NF2: variants seen among roughly 807,000 people sequenced by gnomAD.
NF2 encodes the protein merlin.
A neutral mutation model predicts 83.7 loss-of-function variants in NF2; 8 were observed. The ratio of observed to expected loss-of-function variants is 0.10; its 90% CI spans 0.06 to 0.17. The LOEUF is 0.17. NF2 is among the 10% of genes least tolerant of loss of function. NF2 has a pLI of 1.00. For synonymous variants in NF2, 266 were observed against 269.6 expected, an observed-to-expected ratio of 0.99 and a Z score of 0.13; for missense variants, 533 against 744.4, an observed-to-expected ratio of 0.72 and a Z score of 3.31.
intron 15 of NF2, 115 bp downstream of exon 15, chr22:29,681,716 T>A: frequency 2.3e-6 from 3 of 1,304,834 alleles, no homozygotes; most frequent in Non-Finnish European, 3.3e-6. Context: ...ATCTTTTGTA[T>A]GTACTTAGTT....
chr22:29,664,250 G>A (rs933799939), intron 8 of NF2, among the ~76,000 whole-genome samples: 1 of 151,976 alleles, frequency 6.6e-6, no homozygotes, highest in Non-Finnish European at 1.5e-5. Context: ...TGGGATTACG[G>A]GTGTGAGCCA....
chr22:29,642,346 C>T (rs1270426657), intron 4 of NF2, 61 bp downstream of exon 4: 3 of 1,323,340 alleles, frequency 2.3e-6, no homozygotes, highest in Non-Finnish European at 3.3e-6. Flanking sequence ...TGGGATCACT[C>T]CTATCTTCTC....
rs1194749616 is a variant in NF2 at position 29,695,534 on chromosome 22, C to T, written c.*732C>T. 4 of 236,694 alleles carry T rather than the reference C, an allele frequency of 1.7e-5. No homozygotes were observed. Among genetic ancestry groups the T allele is most frequent in the South Asian group, 1.7e-4 (1 of 5,766 alleles). 14.7% of individuals were successfully genotyped at this position (236,694 alleles called of 1,614,324 possible). A position where few individuals can be genotyped will look rare whatever the true frequency, so the allele number is the denominator to read the frequency against. ...GTACAGGGCACTCGCTGTCCCCCTC[C>T]GGCCACCCTAGACCAGGGTCCGAGA... On this transcript the variant is annotated 3_prime_UTR_variant, in exon 16 of 16. Coordinates refer to ENST00000338641, the MANE Select transcript of NF2 (RefSeq NM_000268.4). This position sits in a 1 kb window ranked among gnomAD's most constrained non-coding sequence, Gnocchi z 5.4.
chr22:29,639,029 A>C (rs1265872112), intron 2 of NF2, 61 bp from the exon 3 acceptor site: 27 of 1,612,720 alleles, frequency 1.7e-5, no homozygotes, highest in Admixed American at 6.7e-5. Context: ...GGCTTCTTTG[A>C]GGGTAGCACA....
intron 14 of NF2, among the ~76,000 whole-genome samples, chr22:29,680,854 A>T (rs1310523490): frequency 4.5e-4 from 20 of 44,588 alleles, no homozygotes; most frequent in African/African-American, 1.4e-3. Context: ...AAGATCCTAT[A>T]AAAAAAAAAA....
At position 29,671,922 on chromosome 22, in the gene NF2, G is replaced by A. The variant is rs2147073615; in HGVS notation, c.1096G>A (p.Glu366Lys). The change falls in exon 11 of 16, where the codon GAA becomes AAA. Residue 366 changes from glutamate (E) to lysine (K), a missense_variant. Coordinates refer to ENST00000338641, the MANE Select transcript of NF2 (RefSeq NM_000268.4). ...LERRLLQMKE[E>K]ATMANEALMR... The stretch of plus-strand genomic sequence containing the variant: ...GAGGAGGCTGCTGCAGATGAAAGAA[G>A]AAGCAACAATGGCCAACGAAGCACT... 1 of 1,614,208 alleles carries A rather than the reference G, an allele frequency of 6.2e-7. No individual in the cohort carries two copies. Among genetic ancestry groups the A allele is most frequent in the Non-Finnish European group, 8.5e-7 (1 of 1,180,038 alleles).
intron 15 of NF2, among the ~76,000 whole-genome samples, chr22:29,693,513 C>T (rs1171593923): frequency 1.3e-5 from 2 of 152,044 alleles, no homozygotes; most frequent in South Asian, 2.1e-4. Flanking sequence ...ATGGAGCCGC[C>T]GATAGTACCG....
At chr22:29,615,381 T>C (rs2065056867) in intron 1 of NF2, among the ~76,000 whole-genome samples, 1 of 152,014 alleles carries the variant, frequency 6.6e-6, no homozygotes, top group African/African-American at 2.4e-5. Flanking sequence ...GAGACCAGCC[T>C]GGGCAACAGA....
chr22:29,658,228 C>T lies in NF2; in HGVS notation c.639C>T (p.Asp213=), dbSNP rs2146990077. The change falls in exon 7 of 16, where the codon GAC becomes GAT. Residue 213 remains aspartate, a synonymous_variant. Transcript: ENST00000338641. ...AEMEYLKIAQ[D]LEMYGVNYFA... is the part of the protein sequence containing the mutation. Reference sequence around the variant, plus strand: ...TGGAATATCTGAAGATAGCTCAGGACCTGGAGATGTACGGTGTGAACTACT... The same window carrying T: ...TGGAATATCTGAAGATAGCTCAGGATCTGGAGATGTACGGTGTGAACTACT... 1 of 1,614,186 alleles carries T rather than the reference C, an allele frequency of 6.2e-7. No homozygotes were observed. Among genetic ancestry groups the T allele is most frequent in the South Asian group, 1.1e-5 (1 of 91,080 alleles).
At chr22:29,615,253 C>G (rs898182874) in intron 1 of NF2, among the ~76,000 whole-genome samples, 1 of 152,064 alleles carries the variant, frequency 6.6e-6, no homozygotes, top group South Asian at 2.1e-4. Context: ...CTGGTAAGAC[C>G]GTAAAATGGT....
intron 10 of NF2, among the ~76,000 whole-genome samples, chr22:29,671,540 A>G (rs1226355466): frequency 4.6e-5 from 7 of 152,142 alleles, no homozygotes; most frequent in Non-Finnish European, 1.0e-4. Context: ...TCCACCAAAA[A>G]AAAAGAATGC....
intron 15 of NF2, among the ~76,000 whole-genome samples, chr22:29,685,861 C>T (rs2067257070): frequency 6.6e-6 from 1 of 152,150 alleles, no homozygotes; most frequent in African/African-American, 2.4e-5. Context: ...ACCGCATTCC[C>T]TGAGGAATGC....
intron 1 of NF2, among the ~76,000 whole-genome samples, chr22:29,606,347 G>T (rs1383367903): frequency 6.6e-6 from 1 of 152,204 alleles, no homozygotes; most frequent in Non-Finnish European, 1.5e-5. Context: ...TGCCCCAATT[G>T]CTCATCCCCC....
intron 8 of NF2, among the ~76,000 whole-genome samples, chr22:29,664,523 G>T (rs1281169772): frequency 6.6e-6 from 1 of 152,036 alleles, no homozygotes; most frequent in Non-Finnish European, 1.5e-5. Flanking sequence ...ACTCTCTCTT[G>T]CTTATGGTGG....
At position 29,695,375 on chromosome 22, in the gene NF2, C is replaced by A. The variant is rs543669369; in HGVS notation, c.*573C>A. The A allele has an allele frequency of 1.5e-5, 4 of 258,836 alleles. No individual in the cohort carries two copies. Among genetic ancestry groups the A allele is most frequent in the African/African-American group, 8.7e-5 (4 of 46,240 alleles). 16.0% of individuals were successfully genotyped at this position (258,836 alleles called of 1,614,324 possible). On this transcript the variant is annotated 3_prime_UTR_variant, in exon 16 of 16. Coordinates refer to ENST00000338641, the MANE Select transcript of NF2 (RefSeq NM_000268.4). This position sits in a 1 kb window ranked among gnomAD's most constrained non-coding sequence, Gnocchi z 5.4. Reference sequence around the variant, plus strand: ...AGTGCTGGGTCCCCGCCAGGCACCCCGAGGCGGCGCTCTGGCTGGCAGCTG... The same window carrying A: ...AGTGCTGGGTCCCCGCCAGGCACCCAGAGGCGGCGCTCTGGCTGGCAGCTG...
chr22:29,641,182 C>T (rs1283028943), intron 3 of NF2, among the ~76,000 whole-genome samples: 1 of 151,968 alleles, frequency 6.6e-6, no homozygotes, highest in Non-Finnish European at 1.5e-5. Flanking sequence ...TGCTTTTTCC[C>T]CCCTCTCTTT....
intron 10 of NF2, among the ~76,000 whole-genome samples, chr22:29,669,907 T>C (rs971767031): frequency 6.6e-6 from 1 of 152,202 alleles, no homozygotes; most frequent in African/African-American, 2.4e-5. Context: ...TTACAGTCTT[T>C]GTATGCAGTA....
chr22:29,659,177 A>G (rs1307215704), intron 7 of NF2, among the ~76,000 whole-genome samples: 1 of 152,158 alleles, frequency 6.6e-6, no homozygotes, highest in East Asian at 1.9e-4. Flanking sequence ...TTCTTTTCTA[A>G]AGTTCTGTCA....
chr22:29,685,270 A>G (rs1211970669), intron 15 of NF2, among the ~76,000 whole-genome samples: 1 of 151,198 alleles, frequency 6.6e-6, no homozygotes, highest in African/African-American at 2.4e-5. Context: ...ACCACACTCA[A>G]CTAATTTTTG....
Sources: allele counts gnomAD v4.1 joint callset (sites outside exome capture counted in the v4.1 genomes callset), GRCh38; gene constraint gnomAD v4.1.1; non-coding constraint Gnocchi (gnomAD v3.1); transcripts MANE v1.5; gene names NCBI Gene and HGNC (gene_info 2026-07-23, HGNC 2026-07-21).